MEDAG: variants seen among roughly 807,000 people sequenced by gnomAD.
MEDAG encodes mesenteric estrogen dependent adipogenesis.
A neutral mutation model predicts 29.9 loss-of-function variants in MEDAG; 25 were observed. The observed-to-expected ratio is 0.84, with a 90% CI of 0.61 to 1.17. The LOEUF (loss-of-function observed/expected upper bound fraction) is 1.17. MEDAG is among the 50% of genes most tolerant of loss of function. The pLI is 0.00. For missense variants in MEDAG, 398 were observed against 372.9 expected, an observed-to-expected ratio of 1.07 and a Z score of -0.56; for synonymous variants, 158 against 148.2, an observed-to-expected ratio of 1.07 and a Z score of -0.48.
intron 1 of MEDAG, among the ~76,000 whole-genome samples, chr13:30,908,309 A>G (rs1952848846): frequency 6.6e-6 from 1 of 152,246 alleles, no homozygotes; most frequent in Non-Finnish European, 1.5e-5. Flanking sequence ...CAAATACAAA[A>G]CAACAAATAA....
Position 30,906,349 on chromosome 13 carries a change from C to T in MEDAG, c.-167C>T, listed in dbSNP as rs144593356. The T allele has an allele frequency of 0.01, 6,559 of 651,156 alleles. 53 individuals carry two copies. The highest frequency in any genetic ancestry group is 0.024 in the Middle Eastern group (52 of 2,152). The allele number at this position is 651,156 out of a possible 1,614,324, so 40.3% of individuals were successfully genotyped here. The stretch of plus-strand genomic sequence containing the variant: ...GCCGCCCGGGCGGTCAGACTGGCAC[C>T]TGAGCGGCCACCGCGTCCCGGCCAG... On this transcript the variant is annotated 5_prime_UTR_variant, in exon 1 of 5. Transcript: ENST00000380482.
At chr13:30,917,069 T>G (rs1326263553) in intron 1 of MEDAG, among the ~76,000 whole-genome samples, 2 of 152,204 alleles carry the variant, frequency 1.3e-5, no homozygotes, top group African/African-American at 2.4e-5. Context: ...GAATTCATTA[T>G]CAATTCAGAG....
At chr13:30,909,969 C>G (rs1952866311) in intron 1 of MEDAG, among the ~76,000 whole-genome samples, 1 of 152,140 alleles carries the variant, frequency 6.6e-6, no homozygotes, top group Admixed American at 6.5e-5. Context: ...GTGATGACCA[C>G]CAGCTCTAAA....
chr13:30,915,028 G>C (rs762093812), intron 1 of MEDAG, among the ~76,000 whole-genome samples: 27 of 152,092 alleles, frequency 1.8e-4, no homozygotes, highest in Non-Finnish European at 2.9e-5. Flanking sequence ...GCCTCGAATG[G>C]GTCATAGGTG....
At chr13:30,919,972 C>G (rs1011107077) in intron 2 of MEDAG, among the ~76,000 whole-genome samples, 6 of 152,106 alleles carry the variant, frequency 3.9e-5, no homozygotes, top group African/African-American at 1.4e-4. Context: ...GTTACCAAAC[C>G]AAACTAATCA....
chr13:30,912,994 A>C (rs1232564904), intron 1 of MEDAG, among the ~76,000 whole-genome samples: 1 of 152,218 alleles, frequency 6.6e-6, no homozygotes, highest in African/African-American at 2.4e-5. Context: ...CATGTACTGC[A>C]TTTACTCATC....
chr13:30,907,339 CAAAT>C lies in MEDAG; in HGVS notation c.278+550_278+553del, dbSNP rs543960254. On this transcript the variant is annotated intron_variant, in intron 1 of 4. Transcript: ENST00000380482. ...CCTCACTTCGTGTTTCAAAAGTAAACAAATAAACCGCAGCTGAGAAGGGAACAAA... is the reference window on the plus strand; with the variant it reads ...CCTCACTTCGTGTTTCAAAAGTAAACAAACCGCAGCTGAGAAGGGAACAAA... Among the ~76,000 whole-genome samples the C allele has an allele frequency of 1.7e-4, 26 of 152,322 alleles. No individual in the cohort carries two copies. In the South Asian group the frequency reaches 5.4e-3, roughly 32 times the overall value.
At chr13:30,915,995 T>C (rs1050954491) in intron 1 of MEDAG, 1 of 152,066 alleles carries the variant, frequency 6.6e-6, no homozygotes. Context: ...ACAGATGTGG[T>C]GGGAGGTGGA....
chr13:30,914,418 C>A (rs940451097), intron 1 of MEDAG, among the ~76,000 whole-genome samples: 1 of 152,218 alleles, frequency 6.6e-6, no homozygotes, highest in Non-Finnish European at 1.5e-5. Context: ...CACATCTGTG[C>A]TACAGTGATA....
chr13:30,916,965 G>A (rs1004453861), intron 1 of MEDAG, among the ~76,000 whole-genome samples: 2 of 152,126 alleles, frequency 1.3e-5, no homozygotes, highest in Non-Finnish European at 2.9e-5. Flanking sequence ...TGGGATTAGT[G>A]GGGAAGTGGG....
chr13:30,924,576 C>T lies in MEDAG; in HGVS notation c.*141C>T. On this transcript the variant is annotated 3_prime_UTR_variant, in exon 5 of 5. Coordinates refer to ENST00000380482, the MANE Select transcript of MEDAG (RefSeq NM_032849.4). The stretch of plus-strand genomic sequence containing the variant: ...TCCTCCATGGCTTCTATGGAGGACT[C>T]CTCTCTTCTGCTTCTGTGGATGTGA... 2.5e-6 allele frequency: 2 copies of T among 808,582 alleles called. No homozygotes were observed. Among genetic ancestry groups the T allele is most frequent in the South Asian group, 2.1e-5 (1 of 47,574 alleles). The allele number at this position is 808,582 out of a possible 1,614,324, so 50.1% of individuals were successfully genotyped here. A position where few individuals can be genotyped will look rare whatever the true frequency, so the allele number is the denominator to read the frequency against.
intron 3 of MEDAG, 89 bp downstream of exon 3, chr13:30,921,215 G>A (rs1206639257): frequency 1.1e-5 from 13 of 1,132,374 alleles, no homozygotes; most frequent in African/African-American, 1.6e-5. Flanking sequence ...TATTGCCCTG[G>A]CTTAGGCCAA....
chr13:30,921,703 T>C lies in MEDAG; in HGVS notation c.644T>C (p.Val215Ala), dbSNP rs374109967. ...FYWFGLSNSV[V>A]KVNGKVLNLS... is the part of the protein sequence containing the mutation. The stretch of plus-strand genomic sequence containing the variant: ...TGGTTTGGGCTCAGTAATTCCGTTG[T>C]AAAAGTAAATGGAAAAGTTCTGAAT... The change falls in exon 4 of 5, where the codon GTA becomes GCA. Residue 215 changes from valine (V) to alanine (A), a missense_variant. By Grantham distance (64) the Val-to-Ala change is moderately conservative. Transcript: ENST00000380482. The C allele has an allele frequency of 1.2e-6, 2 of 1,613,948 alleles. No homozygotes were observed. The highest frequency in any genetic ancestry group is 2.7e-5 in the African/African-American group (2 of 74,926).
rs753349518 is a variant in MEDAG at position 30,924,295 on chromosome 13, G to C, written c.788-16G>C. ...CAGTGATGGTAATAATGCATGCTTT[G>C]TTTACTGTTTTTTAGGTTCAATAGA... On this transcript the variant is annotated splice_polypyrimidine_tract_variant and intron_variant, in intron 4 of 4. Coordinates refer to ENST00000380482, the MANE Select transcript of MEDAG (RefSeq NM_032849.4). 4.4e-6 allele frequency: 7 copies of C among 1,604,254 alleles called. 1 individual carries two copies. In the South Asian group the frequency reaches 6.7e-5, roughly 15 times the overall value.
rs1389460553 is a variant in MEDAG, at chr13:30,917,386, T to C, written c.279-17T>C. On this transcript the variant is annotated splice_polypyrimidine_tract_variant and intron_variant, in intron 1 of 4. Coordinates refer to ENST00000380482, the MANE Select transcript of MEDAG (RefSeq NM_032849.4). The stretch of plus-strand genomic sequence containing the variant: ...AAAGGGTACGTTACATTTGCAATGA[T>C]CTCTGCTTCTTCATAGGTATGTGGA... 7.2e-7 allele frequency: 1 copy of C among 1,380,508 alleles called. No individual in the cohort carries two copies. Among genetic ancestry groups the C allele is most frequent in the South Asian group, 1.2e-5 (1 of 86,280 alleles). The allele number at this position is 1,380,508 out of a possible 1,614,324, so 85.5% of individuals were successfully genotyped here. A position where few individuals can be genotyped will look rare whatever the true frequency, so the allele number is the denominator to read the frequency against.
intron 4 of MEDAG, among the ~76,000 whole-genome samples, chr13:30,923,025 A>G (rs550961664): frequency 8.5e-5 from 13 of 152,216 alleles, no homozygotes; most frequent in African/African-American, 2.6e-4. Flanking sequence ...GGCATAAACA[A>G]TTCTCGTGTC....
chr13:30,918,011 C>G (rs1040056164), intron 2 of MEDAG, among the ~76,000 whole-genome samples: 9 of 152,046 alleles, frequency 5.9e-5, no homozygotes, highest in Non-Finnish European at 1.2e-4. Flanking sequence ...CAGCAAGGAG[C>G]CTGGTGGGTG....
rs12583427 is a variant in MEDAG at position 30,921,952 on chromosome 13, A to G, written c.787+106A>G. The stretch of plus-strand genomic sequence containing the variant: ...TTCAAAAGGCAAGACCTATTAATGA[A>G]AGGGAAATAGATCACAAAATTCAGA... On this transcript the variant is annotated intron_variant, in intron 4 of 4. Coordinates refer to ENST00000380482, the MANE Select transcript of MEDAG (RefSeq NM_032849.4). 9.5e-3 allele frequency: 11,552 copies of G among 1,213,736 alleles called. 991 individuals carry two copies. In the East Asian group the frequency reaches 0.21, roughly 22 times the overall value. 75.2% of individuals were successfully genotyped at this position (1,213,736 alleles called of 1,614,324 possible). A position where few individuals can be genotyped will look rare whatever the true frequency, so the allele number is the denominator to read the frequency against.
chr13:30,911,601 G>A (rs756803883), intron 1 of MEDAG, among the ~76,000 whole-genome samples: 9 of 152,086 alleles, frequency 5.9e-5, no homozygotes, highest in Non-Finnish European at 1.2e-4. Flanking sequence ...TCTTACCCCA[G>A]TACGTGGCTA....
Sources: allele counts gnomAD v4.1 joint callset (sites outside exome capture counted in the v4.1 genomes callset), GRCh38; gene constraint gnomAD v4.1.1; transcripts MANE v1.5; gene names NCBI Gene and HGNC (gene_info 2026-07-23, HGNC 2026-07-21).